EVC: variants seen among roughly 807,000 people sequenced by gnomAD.
The protein encoded by EVC is evC complex member EVC.
A neutral mutation model predicts 118.9 loss-of-function variants in EVC; 116 were observed. That is an observed-to-expected ratio of 0.98 (90% CI 0.84 to 1.14). EVC has a LOEUF of 1.14. EVC is among the 50% of genes most tolerant of loss of function. The probability of loss-of-function intolerance (pLI) is 0.00; values close to 1 mark genes in which losing one functional copy is unlikely to be tolerated. For synonymous variants in EVC, 619 were observed against 534.7 expected (o/e 1.16, Z -2.18); for missense variants, 1,401 against 1,246.4 (o/e 1.12, Z -1.87).
chr4:5,795,978 C>G (rs1713882683), intron 13 of EVC, among the ~76,000 whole-genome samples: 1 of 149,518 alleles, frequency 6.7e-6, no homozygotes, highest in South Asian at 2.3e-4. Flanking sequence ...CCATATGTCT[C>G]TTACATGCTC....
chr4:5,757,974 C>G, intron 11 of EVC: 1 of 655,816 alleles, frequency 1.5e-6, no homozygotes. Context: ...AATGTGGCCA[C>G]ACTTGGAAAT....
intron 5 of EVC, among the ~76,000 whole-genome samples, chr4:5,733,990 G>C (rs1029442481): frequency 6.6e-6 from 1 of 152,106 alleles, no homozygotes; most frequent in African/African-American, 2.4e-5. Context: ...ATGGGGCCAC[G>C]TGTTCTCTTG....
the EVC span, chr4:5,824,801 A>G: frequency 3.0e-6 from 3 of 985,306 alleles, no homozygotes; most frequent in African/African-American, 5.2e-5. Context: ...AAGAGTTTGC[A>G]GGACAAAATT....
At chr4:5,819,286 A>AT (rs1226023427), downstream of EVC, among the ~76,000 whole-genome samples, 3 of 152,318 alleles carry the variant, frequency 2.0e-5, no homozygotes, top group East Asian at 5.8e-4. Context: ...TGAGTATGTT[A>AT]TGTCACATGG....
chr4:5,716,786 T>C (rs1724034917), intron 1 of EVC, among the ~76,000 whole-genome samples: 1 of 152,208 alleles, frequency 6.6e-6, no homozygotes, highest in Non-Finnish European at 1.5e-5. Context: ...GGCAAGGGAT[T>C]TGCAGGCCCT....
chr4:5,822,146 T>A, the EVC span, among the ~76,000 whole-genome samples: 1 of 152,238 alleles, frequency 6.6e-6, no homozygotes, highest in African/African-American at 2.4e-5. Context: ...ACTTACTGAG[T>A]GCCTACTGTG....
At chr4:5,722,380 A>C (rs1725103068) in intron 2 of EVC, among the ~76,000 whole-genome samples, 1 of 152,186 alleles carries the variant, frequency 6.6e-6, no homozygotes, top group South Asian at 2.1e-4. Flanking sequence ...GGGTTAAGTG[A>C]AAGATCTCCT....
chr4:5,820,185 C>T, the EVC span, among the ~76,000 whole-genome samples: 4 of 152,188 alleles, frequency 2.6e-5, no homozygotes, highest in Non-Finnish European at 4.4e-5. Flanking sequence ...GAGCACCTGG[C>T]ATATAGCAAC....
chr4:5,731,609 G>A lies in EVC; in HGVS notation c.569G>A (p.Arg190His), dbSNP rs113002470. The A allele has an allele frequency of 1.2e-5, 19 of 1,614,012 alleles. No homozygotes were observed. In the Admixed American group the frequency reaches 1.3e-4, roughly 11 times the overall value. ...ACCAGCGATGACAGGTTTCTCAGCCGCACCTTCCTCCGGGTGAACGCCTTC... is the reference window on the plus strand; with the variant it reads ...ACCAGCGATGACAGGTTTCTCAGCCACACCTTCCTCCGGGTGAACGCCTTC... Reference protein sequence around the residue: ...SATSDDRFLSRTFLRVNAFPE... With the variant: ...SATSDDRFLSHTFLRVNAFPE... Residue 190 changes from arginine to histidine, a missense_variant, in exon 4 of 21, where the codon CGC becomes CAC. By Grantham distance (29) the Arg-to-His change is conservative. Transcript: ENST00000264956. This position sits in a 1 kb window ranked among gnomAD's most constrained non-coding sequence, Gnocchi z 5.6.
At chr4:5,804,536 C>T (rs1018411673) in intron 16 of EVC, among the ~76,000 whole-genome samples, 194 bp from the exon 17 acceptor site, 1 of 152,138 alleles carries the variant, frequency 6.6e-6, no homozygotes, top group Non-Finnish European at 1.5e-5. Flanking sequence ...ATCATAGTTT[C>T]GCTCTGCAGT....
rs376025834 is a variant in EVC, at chr4:5,743,443, C to T, written c.801+1629C>T. ...TTGTCATCATTTTCATTACTGCCAT[C>T]GTCATCGCATCATTGTTGTGATAGT... is the stretch of plus-strand genomic sequence containing the variant. On this transcript the variant is annotated intron_variant, in intron 6 of 20. Coordinates refer to ENST00000264956, the MANE Select transcript of EVC (RefSeq NM_153717.3). The surrounding 1 kb of genome is among the most constrained non-coding windows in gnomAD (Gnocchi z 4.7). Among the ~76,000 whole-genome samples, 15 of 152,258 alleles carry T rather than the reference C, an allele frequency of 9.9e-5. No homozygotes were observed. In the East Asian group the frequency reaches 1.5e-3, roughly 16 times the overall value.
chr4:5,822,971 C>G, the EVC span, among the ~76,000 whole-genome samples: 1 of 152,200 alleles, frequency 6.6e-6, no homozygotes, highest in Non-Finnish European at 1.5e-5. Context: ...TCTTGCTGAC[C>G]TACCCACTGT....
rs1468946006 is a variant in EVC at position 5,738,558 on chromosome 4, T to C, written c.703-3158T>C. Among the ~76,000 whole-genome samples, 2 of 151,900 alleles carry C rather than the reference T, an allele frequency of 1.3e-5. No individual in the cohort carries two copies. The highest frequency in any genetic ancestry group is 3.9e-4 in the East Asian group (2 of 5,164). On this transcript the variant is annotated intron_variant, in intron 5 of 20. Transcript: ENST00000264956. The surrounding 1 kb of genome is among the most constrained non-coding windows in gnomAD (Gnocchi z 6.5). ...AGCAACCACTACCCTCATAAGTCAG[T>C]AGCCATCAACATTGAGACAAGACCC... is the stretch of plus-strand genomic sequence containing the variant.
the EVC span, among the ~76,000 whole-genome samples, chr4:5,819,624 T>G: frequency 6.6e-6 from 1 of 152,194 alleles, no homozygotes; most frequent in South Asian, 2.1e-4. Context: ...TAGGGCTGCT[T>G]CTGCTTCCAC....
chr4:5,779,997 T>C (rs1245433432), intron 11 of EVC, among the ~76,000 whole-genome samples: 1 of 152,104 alleles, frequency 6.6e-6, no homozygotes, highest in East Asian at 1.9e-4. Flanking sequence ...ATAGCTCTTA[T>C]TATTTTGAGA....
intron 7 of EVC, among the ~76,000 whole-genome samples, chr4:5,747,521 A>G (rs1729549802): frequency 6.6e-6 from 1 of 152,204 alleles, no homozygotes; most frequent in Admixed American, 6.5e-5. Flanking sequence ...CCTGTGGGCC[A>G]TGAGGGAAAG....
rs767144263 is a variant in EVC, at chr4:5,801,966, C to A, written c.2321C>A (p.Ala774Glu). The stretch of plus-strand genomic sequence containing the variant: ...TTCCCTCAGAGGACACTGATGGAGG[C>A]GGCAGTGGAGAGCGTCTACGTGACC... ...RDDFKRTLME[A>E]AVESVYVTSA... The change falls in exon 16 of 21, where the codon GCG (alanine) becomes GAG (glutamate). Residue 774 changes from alanine (A) to glutamate (E), a missense_variant. Coordinates refer to ENST00000264956, the MANE Select transcript of EVC (RefSeq NM_153717.3). The A allele has an allele frequency of 1.2e-6, 2 of 1,613,642 alleles. No homozygotes were observed. The highest frequency in any genetic ancestry group is 1.7e-6 in the Non-Finnish European group (2 of 1,179,974).
intron 11 of EVC, among the ~76,000 whole-genome samples, chr4:5,777,506 A>C (rs917986704): frequency 4.6e-5 from 7 of 152,150 alleles, no homozygotes; most frequent in Non-Finnish European, 8.8e-5. Context: ...CCTAGGTAAA[A>C]GCCGCCCAAA....
intron 1 of EVC, among the ~76,000 whole-genome samples, chr4:5,718,362 C>T (rs1724332379): frequency 6.6e-6 from 1 of 152,046 alleles, no homozygotes; most frequent in Admixed American, 6.5e-5. Context: ...GACATCAGCT[C>T]TGTAACTCAC....
Sources: allele counts gnomAD v4.1 joint callset (sites outside exome capture counted in the v4.1 genomes callset), GRCh38; gene constraint gnomAD v4.1.1; non-coding constraint Gnocchi (gnomAD v3.1); transcripts MANE v1.5; gene names NCBI Gene and HGNC (gene_info 2026-07-23, HGNC 2026-07-21).